NPAS3: variants seen among roughly 807,000 people sequenced by gnomAD.
NPAS3 encodes neuronal PAS domain protein 3.
NPAS3 carries 14 observed loss-of-function variants against 73.1 expected under a neutral mutation model. The ratio of observed to expected loss-of-function variants is 0.19; its 90% CI spans 0.13 to 0.30. NPAS3 has a LOEUF of 0.30. Among genes scored for constraint, NPAS3 ranks in the 10% least tolerant of loss-of-function variants. The pLI is 1.00. For synonymous variants in NPAS3, 620 were observed against 541.5 expected (o/e 1.14, Z -2.01); for missense variants, 1,096 against 1,250.0 (o/e 0.88, Z 1.86).
intron 6 of NPAS3, among the ~76,000 whole-genome samples, chr14:33,734,092 A>G (rs1404300601): frequency 6.6e-6 from 1 of 152,178 alleles, no homozygotes; most frequent in Non-Finnish European, 1.5e-5. Flanking sequence ...GTTTTCACAT[A>G]TACTTAATTC....
At chr14:33,242,708 G>C (rs1486450851) in intron 3 of NPAS3, among the ~76,000 whole-genome samples, 1 of 151,914 alleles carries the variant, frequency 6.6e-6, no homozygotes, top group East Asian at 1.9e-4. Flanking sequence ...TTCAGTTCAG[G>C]GAAGATTTTT....
At chr14:33,569,462 G>A (rs1244138362) in intron 5 of NPAS3, among the ~76,000 whole-genome samples, 1 of 152,058 alleles carries the variant, frequency 6.6e-6, no homozygotes, top group Non-Finnish European at 1.5e-5. Flanking sequence ...CTGGGTATCA[G>A]GTAAAGAATT....
In NPAS3 at chr14:33,745,495, T is replaced by G. The variant is rs17101817; in HGVS notation, c.852+10163T>G. On this transcript the variant is annotated intron_variant, in intron 7 of 11. Coordinates refer to ENST00000356141, the Ensembl canonical transcript of NPAS3. ...AATGAGAGTACCAATACAACCGTCT[T>G]CATAAGGCTATTGTGAAATAAAATG... Among the ~76,000 whole-genome samples the G allele has an allele frequency of 7.6e-3, 1,150 of 152,270 alleles. 13 individuals carry two copies. The highest frequency in any genetic ancestry group is 0.026 in the African/African-American group (1,073 of 41,540).
intron 9 of NPAS3, among the ~76,000 whole-genome samples, chr14:33,785,662 G>A (rs997806315): frequency 1.3e-5 from 2 of 152,016 alleles, no homozygotes; most frequent in African/African-American, 2.4e-5. Flanking sequence ...TTTAATTCAT[G>A]TATGTGTCTA....
intron 2 of NPAS3, among the ~76,000 whole-genome samples, chr14:33,124,001 T>C (rs1359643644): frequency 6.6e-6 from 1 of 151,668 alleles, no homozygotes; most frequent in Non-Finnish European, 1.5e-5. Context: ...GCTGGGCCTA[T>C]AGGTGCTTGC....
At chr14:33,593,583 C>T (rs1417072355) in intron 5 of NPAS3, among the ~76,000 whole-genome samples, 1 of 152,202 alleles carries the variant, frequency 6.6e-6, no homozygotes, top group Non-Finnish European at 1.5e-5. Context: ...CAATGGGCAA[C>T]AATAGGAGTC....
intron 10 of NPAS3, among the ~76,000 whole-genome samples, chr14:33,796,823 G>A (rs1265844579): frequency 6.6e-6 from 1 of 152,132 alleles, no homozygotes; most frequent in African/African-American, 2.4e-5. Flanking sequence ...TTCACACTGG[G>A]ACTCTCCCCA....
intron 4 of NPAS3, among the ~76,000 whole-genome samples, chr14:33,461,697 C>A (rs914360878): frequency 6.6e-6 from 1 of 152,140 alleles, no homozygotes; most frequent in East Asian, 1.9e-4. Context: ...GAAATCTGAC[C>A]TTGCACTTAG....
At chr14:33,178,078 TG>T (rs200174882) in intron 2 of NPAS3, among the ~76,000 whole-genome samples, 25,860 of 134,530 alleles carry the variant, frequency 0.19, 3,705 homozygotes, top group South Asian at 0.31. Flanking sequence ...GAATTTTTTT[TG>T]TTTTTTTTTT....
chr14:33,493,604 A>G (rs752253285), intron 4 of NPAS3, among the ~76,000 whole-genome samples: 1 of 152,102 alleles, frequency 6.6e-6, no homozygotes. Flanking sequence ...GCAAGCAAAG[A>G]GATGGTGTGT....
At chr14:33,352,956 T>G (rs2045143559) in intron 3 of NPAS3, among the ~76,000 whole-genome samples, 3 of 152,120 alleles carry the variant, frequency 2.0e-5, no homozygotes, top group Admixed American at 2.0e-4. Flanking sequence ...TCTGAAAACC[T>G]CAAAGCAGAC....
intron 2 of NPAS3, among the ~76,000 whole-genome samples, chr14:33,160,315 A>C (rs892999299): frequency 6.6e-6 from 1 of 152,054 alleles, no homozygotes; most frequent in African/African-American, 2.4e-5. Flanking sequence ...GGGTTTATTA[A>C]CTCAGTTTTG....
At chr14:33,150,764 T>C (rs2044416202) in intron 2 of NPAS3, among the ~76,000 whole-genome samples, 3 of 152,210 alleles carry the variant, frequency 2.0e-5, no homozygotes, top group African/African-American at 4.8e-5. Flanking sequence ...CTTACTACTC[T>C]GTCTCTGATC....
chr14:33,449,477 A>C (rs1170697548), intron 4 of NPAS3, among the ~76,000 whole-genome samples: 2 of 152,210 alleles, frequency 1.3e-5, no homozygotes, highest in Non-Finnish European at 2.9e-5. Flanking sequence ...AAATATTTAC[A>C]TTCTAGCCCT....
chr14:33,497,067 G>T (rs541554083), intron 4 of NPAS3, among the ~76,000 whole-genome samples: 11 of 152,182 alleles, frequency 7.2e-5, no homozygotes, highest in Middle Eastern at 3.4e-3. Context: ...GACAAACAGA[G>T]AGCCAAATCA....
chr14:33,124,787 ATAAG>A (rs1339380372), intron 2 of NPAS3, among the ~76,000 whole-genome samples: 3 of 152,142 alleles, frequency 2.0e-5, no homozygotes, highest in African/African-American at 7.2e-5. Context: ...TGAGTATAAA[ATAAG>A]AAAGATGTTT....
At chr14:33,197,703 C>T (rs1253973262) in intron 2 of NPAS3, among the ~76,000 whole-genome samples, 1 of 152,170 alleles carries the variant, frequency 6.6e-6, no homozygotes, top group African/African-American at 2.4e-5. Flanking sequence ...TAGATAGTTG[C>T]CTTATTCAGT....
chr14:33,317,278 T>C (rs546652062), intron 3 of NPAS3, among the ~76,000 whole-genome samples: 8 of 152,204 alleles, frequency 5.3e-5, no homozygotes, highest in Admixed American at 1.3e-4. Flanking sequence ...ATATACCCTC[T>C]ATTAGGCACT....
intron 6 of NPAS3, 29 bp from the exon 7 acceptor site, chr14:33,735,185 G>T: frequency 8.0e-6 from 12 of 1,496,904 alleles, no homozygotes; most frequent in Non-Finnish European, 1.1e-5. Flanking sequence ...GATCTAAATC[G>T]TGTGTGTCTG....
Sources: gnomAD v4.1 joint callset for allele counts (sites outside exome capture counted in the v4.1 genomes callset) on GRCh38, gnomAD v4.1.1 for gene constraint, MANE v1.5 for transcripts, NCBI Gene and HGNC (gene_info 2026-07-23, HGNC 2026-07-21) for gene names.